Variants in ATXN1 observed in about 807,000 individuals in gnomAD.
ATXN1 encodes ataxin-1.
A neutral mutation model predicts 56.4 loss-of-function variants in ATXN1; 8 were observed. The ratio of observed to expected loss-of-function variants is 0.14; its 90% CI spans 0.08 to 0.26. The LOEUF (loss-of-function observed/expected upper bound fraction) is 0.26. Among genes scored for constraint, ATXN1 ranks in the 10% least tolerant of loss-of-function variants. ATXN1 has a pLI of 1.00. For missense variants in ATXN1, 987 were observed against 1,106.5 expected (o/e 0.89, Z 1.53); for synonymous variants, 514 against 494.6 (o/e 1.04, Z -0.52).
chr6:16,722,503 C>G (rs1759765019), intron 2 of ATXN1, among the ~76,000 whole-genome samples: 1 of 152,174 alleles, frequency 6.6e-6, no homozygotes, highest in East Asian at 1.9e-4. Flanking sequence ...TATCTCCCCC[C>G]ACCTGCCCCA....
chr6:16,562,606 CCA>C lies in ATXN1; in HGVS notation c.-361+23172_-361+23173del, dbSNP rs1762144489. On this transcript the variant is annotated intron_variant, in intron 4 of 7. Coordinates refer to ENST00000436367, the MANE Select transcript of ATXN1 (RefSeq NM_001128164.2). ...ATACAGCCCAGAGGTCTAGGAGTAA[CCA>C]CTGAATAAAAGCTTACTAGTTTGAG... Among the ~76,000 whole-genome samples, 7 of 151,960 alleles carry C rather than the reference CCA, an allele frequency of 4.6e-5. 2 individuals carry two copies. Among genetic ancestry groups the C allele is most frequent in the Admixed American group, 4.6e-4 (7 of 15,254 alleles).
chr6:16,557,465 C>A (rs1034110927), intron 4 of ATXN1, among the ~76,000 whole-genome samples: 1 of 151,722 alleles, frequency 6.6e-6, no homozygotes, highest in African/African-American at 2.4e-5. Context: ...ATAATTCTTT[C>A]TATATTTATC....
At chr6:16,412,775 C>A (rs146890923) in intron 6 of ATXN1, among the ~76,000 whole-genome samples, 1,570 of 152,314 alleles carry the variant, frequency 0.01, 26 homozygotes, top group Non-Finnish European at 0.014. Flanking sequence ...CTTTCTTTGT[C>A]CTTTTCTCCC....
Position 16,306,272 on chromosome 6 carries a change from AGT to A in ATXN1, c.*55_*56del. 1.3e-6 allele frequency: 2 copies of A among 1,524,170 alleles called. No homozygotes were observed. Among genetic ancestry groups the A allele is most frequent in the East Asian group, 4.5e-5 (2 of 44,300 alleles). The allele number at this position is 1,524,170 out of a possible 1,614,324, so 94.4% of individuals were successfully genotyped here. On this transcript the variant is annotated 3_prime_UTR_variant, in exon 8 of 8. Coordinates refer to ENST00000436367, the MANE Select transcript of ATXN1 (RefSeq NM_001128164.2). The surrounding 1 kb of genome is among the most constrained non-coding windows in gnomAD (Gnocchi z 5.2). The stretch of plus-strand genomic sequence containing the variant: ...ACTGTGTTATTTTAGCCTACAGTAC[AGT>A]AATCTGGATACAAATGATAAGGGAG...
intron 2 of ATXN1, among the ~76,000 whole-genome samples, chr6:16,750,488 C>T (rs1028681967): frequency 1.3e-5 from 2 of 152,142 alleles, no homozygotes; most frequent in Admixed American, 1.3e-4. Context: ...TTTCTGCCTA[C>T]GTTGAGCCGT....
intron 4 of ATXN1, among the ~76,000 whole-genome samples, chr6:16,570,542 A>G (rs236958): frequency 0.018 from 2,791 of 152,310 alleles, 67 homozygotes; most frequent in African/African-American, 0.063. Context: ...GATAACTAGG[A>G]TCATATCACT....
At chr6:16,460,218 A>T (rs1759962814) in intron 6 of ATXN1, among the ~76,000 whole-genome samples, 1 of 152,118 alleles carries the variant, frequency 6.6e-6, no homozygotes, top group Non-Finnish European at 1.5e-5. Context: ...CCTAGTACAA[A>T]CTCAAGACTT....
chr6:16,408,038 T>C (rs1228200164), intron 6 of ATXN1, among the ~76,000 whole-genome samples: 1 of 151,980 alleles, frequency 6.6e-6, no homozygotes, highest in Non-Finnish European at 1.5e-5. Context: ...CATGGGGGTG[T>C]CAACAACAGG....
At chr6:16,684,458 TTC>T in intron 2 of ATXN1, among the ~76,000 whole-genome samples, 1 of 152,282 alleles carries the variant, frequency 6.6e-6, no homozygotes, top group South Asian at 2.1e-4. Flanking sequence ...CCTTGGCTAA[TTC>T]CACAGAGGCC....
intron 4 of ATXN1, among the ~76,000 whole-genome samples, chr6:16,576,706 T>C (rs780136244): frequency 6.6e-6 from 1 of 152,228 alleles, no homozygotes; most frequent in Non-Finnish European, 1.5e-5. Flanking sequence ...CAGAGGCACA[T>C]ATGTGTTGTG....
intron 2 of ATXN1, among the ~76,000 whole-genome samples, chr6:16,722,916 A>C (rs928985881): frequency 1.3e-5 from 2 of 152,228 alleles, no homozygotes; most frequent in Admixed American, 1.3e-4. Context: ...AATTTAAAAC[A>C]CACACACACT....
At chr6:16,357,238 TTTTA>T (rs1761705432) in intron 6 of ATXN1, among the ~76,000 whole-genome samples, 1 of 8,784 alleles carries the variant, frequency 1.1e-4, no homozygotes, top group African/African-American at 1.1e-3. Flanking sequence ...TTATTTTTTA[TTTTA>T]TTTTATTTTA....
rs1215410800 is a variant in ATXN1 at position 16,608,279 on chromosome 6, C to G, written c.-488-22372G>C. 2.0e-5 allele frequency among the ~76,000 whole-genome samples: 3 copies of G among 152,192 alleles called. No homozygotes were observed. In the East Asian group the frequency reaches 5.8e-4, roughly 29 times the overall value. ...CAAGGTCTCTCTTTTTCTAAGTCACCTTTGTTGACAATCATTGCAGCTGGA... is the reference window on the plus strand; with the variant it reads ...CAAGGTCTCTCTTTTTCTAAGTCACGTTTGTTGACAATCATTGCAGCTGGA... On this transcript the variant is annotated intron_variant, in intron 3 of 7. Transcript: ENST00000436367.
At chr6:16,619,906 AC>A (rs1202741672) in intron 3 of ATXN1, among the ~76,000 whole-genome samples, 1 of 151,516 alleles carries the variant, frequency 6.6e-6, no homozygotes, top group Non-Finnish European at 1.5e-5. Context: ...AAAAAAAAAA[AC>A]ATAGCTCTAT....
chr6:16,408,313 T>C (rs1043156381), intron 6 of ATXN1, among the ~76,000 whole-genome samples: 3 of 152,178 alleles, frequency 2.0e-5, no homozygotes, highest in African/African-American at 7.2e-5. Context: ...CCTTGTGAAA[T>C]CTCAGTTACT....
intron 5 of ATXN1, among the ~76,000 whole-genome samples, chr6:16,505,089 C>T (rs1466012373): frequency 1.3e-5 from 2 of 151,812 alleles, no homozygotes; most frequent in Non-Finnish European, 2.9e-5. Context: ...TACACACACC[C>T]TCCGAGGAAC....
chr6:16,473,346 G>A (rs1018690984), intron 6 of ATXN1, among the ~76,000 whole-genome samples: 8 of 152,146 alleles, frequency 5.3e-5, no homozygotes, highest in African/African-American at 9.7e-5. Flanking sequence ...CACTCTTGGC[G>A]ACTTGAATTT....
At chr6:16,491,090 A>ATTTTTTT (rs35884389) in intron 5 of ATXN1, among the ~76,000 whole-genome samples, 12 of 78,314 alleles carry the variant, frequency 1.5e-4, no homozygotes, top group Admixed American at 4.0e-4. Flanking sequence ...GGATCCCTGG[A>ATTTTTTT]TTTTTTTTTT....
chr6:16,558,357 T>C (rs1012395328), intron 4 of ATXN1, among the ~76,000 whole-genome samples: 11 of 148,512 alleles, frequency 7.4e-5, no homozygotes, highest in Non-Finnish European at 1.5e-4. Context: ...ATGAATCATA[T>C]CTCAATAAAA....
Sources: gnomAD v4.1 joint callset for allele counts (sites outside exome capture counted in the v4.1 genomes callset) on GRCh38, gnomAD v4.1.1 for gene constraint, Gnocchi (gnomAD v3.1) non-coding constraint, MANE v1.5 for transcripts, NCBI Gene and HGNC (gene_info 2026-07-23, HGNC 2026-07-21) for gene names.